The following LY75 variants were observed in gnomAD, a reference collection of about 807,000 sequenced individuals.
LY75 encodes lymphocyte antigen 75.
In LY75, 185 loss-of-function variants were observed where a neutral mutation model predicts 231.7. That is an observed-to-expected ratio of 0.80 (90% confidence interval 0.71 to 0.90). The LOEUF is 0.90. Among genes scored for constraint, LY75 ranks in the 40% least tolerant of loss-of-function variants. LY75 has a pLI of 0.00. For missense variants in LY75, 1,947 were observed against 2,050.2 expected (o/e 0.95, Z 0.97); for synonymous variants, 668 against 689.0 (o/e 0.97, Z 0.48).
At chr2:159,830,830 C>T (rs1196754207) in intron 28 of LY75, among the ~76,000 whole-genome samples, 1 of 152,088 alleles carries the variant, frequency 6.6e-6, no homozygotes, top group Non-Finnish European at 1.5e-5. Context: ...GATCCACCCG[C>T]CTTGGCCTCC....
chr2:159,898,816 T>C lies in LY75; in HGVS notation c.338A>G (p.His113Arg), dbSNP rs1289047168. 1 of 1,613,828 alleles carries C rather than the reference T, an allele frequency of 6.2e-7. No individual in the cohort carries two copies. Among genetic ancestry groups the C allele is most frequent in the Non-Finnish European group, 8.5e-7 (1 of 1,180,000 alleles). The change falls in exon 2 of 35, where the codon CAC (histidine) becomes CGC (arginine). Residue 113 changes from histidine to arginine, a missense_variant. By Grantham distance (29) the His-to-Arg change is conservative. Coordinates refer to ENST00000263636, the MANE Select transcript of LY75 (RefSeq NM_002349.4). ...SAMLWWKCEH[H>R]SLYGAARYRL... ...GTACCGGGCAGCTCCGTACAGAGAGTGGTGCTCACATTTCCACCACAGCAT... is the reference window on the plus strand; with the variant it reads ...GTACCGGGCAGCTCCGTACAGAGAGCGGTGCTCACATTTCCACCACAGCAT...
chr2:159,822,157 G>A (rs1469296695), intron 28 of LY75, among the ~76,000 whole-genome samples: 1 of 152,208 alleles, frequency 6.6e-6, no homozygotes, highest in Non-Finnish European at 1.5e-5. Context: ...CCATACCCAA[G>A]TGGTGCCTGG....
rs147346181 is a variant in LY75, at chr2:159,810,647, T to G, written c.4578A>C (p.Ser1526=). 6.2e-7 allele frequency: 1 copy of G among 1,613,894 alleles called. No individual in the cohort carries two copies. The highest frequency in any genetic ancestry group is 8.5e-7 in the Non-Finnish European group (1 of 1,179,922). ...KSKKLSRLTY[S]SRCPAAKENG... ...TCTCTTTTGCTGCTGGACATCTTGA[T>G]GAATATGTAAGACGGGACAGCTTTT... Residue 1526 remains serine, a synonymous_variant, in exon 32 of 35, where the codon TCA becomes TCC. Coordinates refer to ENST00000263636, the MANE Select transcript of LY75 (RefSeq NM_002349.4).
Position 159,835,483 on chromosome 2 carries a change from C to A in LY75, c.3670G>T (p.Gly1224Ter), listed in dbSNP as rs755222773. 1.3e-6 allele frequency: 2 copies of A among 1,598,462 alleles called. No homozygotes were observed. Among genetic ancestry groups the A allele is most frequent in the South Asian group, 2.3e-5 (2 of 86,518 alleles). Reference protein sequence around the residue: ...NQPGAICYYSGNETEKEVKPV... With the variant: ...NQPGAICYYS ...AAAAGATCTGAAATTCACATACTTCCTGAATAGTAGCAAATAGCACCTGGT... is the reference window on the plus strand; with the variant it reads ...AAAAGATCTGAAATTCACATACTTCATGAATAGTAGCAAATAGCACCTGGT... Residue 1224 changes from glycine to a stop codon, truncating the protein, a stop_gained, in exon 26 of 35, where the codon GGA becomes TGA. Coordinates refer to ENST00000263636, the MANE Select transcript of LY75 (RefSeq NM_002349.4). LOFTEE classifies it high-confidence loss of function.
Position 159,864,839 on chromosome 2 carries a change from T to A in LY75, c.2199A>T (p.Pro733=), listed in dbSNP as rs765751273. Reference sequence around the variant, plus strand: ...CTAAAACAATAACGTTTTAACTTACTGGTGTACGATCACTCCATTGCCAGG... The same window carrying A: ...CTAAAACAATAACGTTTTAACTTACAGGTGTACGATCACTCCATTGCCAGG... The part of the protein sequence containing the change: ...QGSWQWSDRT[P]VSTIIMPNEF... Residue 733 remains proline, a splice_region_variant and synonymous_variant, in exon 14 of 35, where the codon CCA becomes CCT. Coordinates refer to ENST00000263636, the MANE Select transcript of LY75 (RefSeq NM_002349.4). The A allele has an allele frequency of 5.0e-6, 8 of 1,584,192 alleles. No homozygotes were observed. The East Asian group carries it at 1.4e-4, about 27-fold the overall frequency.
rs755794404 is a variant in LY75, at chr2:159,840,740, A to G, written c.3496T>C (p.Phe1166Leu). The G allele has an allele frequency of 2.5e-6, 4 of 1,614,046 alleles. No individual in the cohort carries two copies. The highest frequency in any genetic ancestry group is 1.3e-5 in the African/African-American group (1 of 75,018). ...GACTGAACACTTACATCTTGACTGA[A>G]GAGTCCGATCCATAAGGAAGAGTTG... ...LHNSSLWIGL[F>L]SQDDELNFGW... The change falls in exon 25 of 35, where the codon TTC becomes CTC. Residue 1166 changes from phenylalanine to leucine, a missense_variant. Coordinates refer to ENST00000263636, the MANE Select transcript of LY75 (RefSeq NM_002349.4).
chr2:159,865,504 T>C (rs1684831895), intron 13 of LY75, among the ~76,000 whole-genome samples: 1 of 152,076 alleles, frequency 6.6e-6, no homozygotes, highest in South Asian at 2.1e-4. Flanking sequence ...TTGAGCTAGG[T>C]GCAATGATGA....
At chr2:159,816,286 T>A (rs908766887) in intron 30 of LY75, among the ~76,000 whole-genome samples, 1 of 152,208 alleles carries the variant, frequency 6.6e-6, no homozygotes, top group Non-Finnish European at 1.5e-5. Flanking sequence ...CTAAGTAGTA[T>A]AATTTTCTAG....
intron 26 of LY75, among the ~76,000 whole-genome samples, chr2:159,834,862 T>G (rs764638248): frequency 7.2e-5 from 11 of 152,218 alleles, no homozygotes; most frequent in Non-Finnish European, 1.2e-4. Flanking sequence ...CCTTTGTCCA[T>G]GAAGCAGTGT....
At chr2:159,848,263 A>C (rs948295029) in intron 23 of LY75, among the ~76,000 whole-genome samples, 6 of 151,890 alleles carry the variant, frequency 4.0e-5, no homozygotes, top group Admixed American at 2.6e-4. Context: ...AGCAACCTGG[A>C]TGAGATTGGA....
At chr2:159,814,319 A>C (rs1683053326) in intron 31 of LY75, among the ~76,000 whole-genome samples, 1 of 152,202 alleles carries the variant, frequency 6.6e-6, no homozygotes, top group Non-Finnish European at 1.5e-5. Flanking sequence ...GCTTGGTTAC[A>C]CAAAGTTAAA....
At chr2:159,834,005 C>T (rs771124849) in intron 27 of LY75, 39 bp downstream of exon 27, 11 of 1,601,086 alleles carry the variant, frequency 6.9e-6, no homozygotes, top group Non-Finnish European at 9.4e-6. Context: ...TCGGGTATGT[C>T]CTTATAGCAA....
At chr2:159,852,453 T>C (rs1385454201) in intron 20 of LY75, 113 bp from the exon 21 acceptor site, 2 of 1,439,354 alleles carry the variant, frequency 1.4e-6, no homozygotes, top group East Asian at 4.8e-5. Context: ...AGTCTCGCTC[T>C]GTTGCCCGGG....
chr2:159,890,442 C>T (rs988378821), intron 3 of LY75, 65 bp from the exon 4 acceptor site: 3 of 1,596,600 alleles, frequency 1.9e-6, no homozygotes, highest in Non-Finnish European at 2.6e-6. Context: ...ACTTAGAATG[C>T]TTAGAAATAC....
chr2:159,825,764 T>A (rs554437772), intron 28 of LY75, among the ~76,000 whole-genome samples: 4 of 152,180 alleles, frequency 2.6e-5, no homozygotes, highest in Non-Finnish European at 4.4e-5. Context: ...TCCACCAGGA[T>A]CAAGTCGGCT....
rs147820690 is a variant in LY75, at chr2:159,878,663, C to G, written c.1574G>C (p.Gly525Ala). The change falls in exon 10 of 35, where the codon GGA (glycine) becomes GCA (alanine). Residue 525 changes from glycine (G) to alanine (A), a missense_variant. Transcript: ENST00000263636. ...YKIYEDEVPF[G>A]TNCNLTITSR... The stretch of plus-strand genomic sequence containing the variant: ...AGTGATAGTCAGATTGCAGTTTGTT[C>G]CAAAAGGGACCTCATCCTCATAAAT... 57 of 1,613,840 alleles carry G rather than the reference C, an allele frequency of 3.5e-5. No homozygotes were observed. Among genetic ancestry groups the G allele is most frequent in the Non-Finnish European group, 4.4e-5 (52 of 1,179,944 alleles).
intron 14 of LY75, among the ~76,000 whole-genome samples, chr2:159,863,672 T>C (rs1375545846): frequency 1.3e-5 from 2 of 152,156 alleles, no homozygotes; most frequent in Non-Finnish European, 2.9e-5. Context: ...GTTGTTTGAG[T>C]TCCTTATCTA....
chr2:159,808,151 T>A, intron 33 of LY75: 1 of 983,840 alleles, frequency 1.0e-6, no homozygotes, highest in Non-Finnish European at 1.2e-6. Flanking sequence ...ACACAGACAT[T>A]CCTGTGGAGA....
chr2:159,852,428 T>G (rs1684430687), intron 20 of LY75, 88 bp from the exon 21 acceptor site: 1 of 1,526,268 alleles, frequency 6.6e-7, no homozygotes, highest in Non-Finnish European at 8.8e-7. Flanking sequence ...TTTTGTTTTT[T>G]TTTTTTTGAG....
Sources: allele counts gnomAD v4.1 joint callset (sites outside exome capture counted in the v4.1 genomes callset), GRCh38; gene constraint gnomAD v4.1.1; transcripts MANE v1.5; gene names NCBI Gene and HGNC (gene_info 2026-07-23, HGNC 2026-07-21).